Variants in FAAH2 observed in about 807,000 individuals in gnomAD.
The protein encoded by FAAH2 is fatty acid amide hydrolase 2.
A neutral mutation model predicts 36.9 loss-of-function variants in FAAH2; 60 were observed. The ratio of observed to expected loss-of-function variants is 1.63; its 90% CI spans 1.32 to 2.02. FAAH2 has a LOEUF of 2.02. Among genes scored for constraint, FAAH2 ranks in the 30% most tolerant of loss-of-function variants. FAAH2 has a pLI of 0.00. For missense variants in FAAH2, 689 were observed against 397.5 expected, an observed-to-expected ratio of 1.73 and a Z score of -6.23; for synonymous variants, 214 against 143.8, an observed-to-expected ratio of 1.49 and a Z score of -3.49.
the FAAH2 span, among the ~76,000 whole-genome samples, chrX:57,131,240 C>G: frequency 9.3e-6 from 1 of 107,528 alleles, no homozygotes; most frequent in Non-Finnish European, 1.9e-5. Context: ...CGCCCGCCAC[C>G]GCGCCCGGCT....
chrX:57,374,533 G>C (rs1158459078), intron 5 of FAAH2, among the ~76,000 whole-genome samples: 3 of 111,898 alleles, frequency 2.7e-5, no homozygotes, highest in African/African-American at 6.5e-5. Context: ...GTATAGCAGA[G>C]CTGCTGATTT....
Position 57,394,729 on chromosome X carries a change from G to T in FAAH2, c.996+13700G>T. 9 of 871,825 alleles carry T rather than the reference G, an allele frequency of 1.0e-5. No homozygotes were observed. In the Admixed American group the frequency reaches 1.8e-4, roughly 17 times the overall value. The allele number at this position is 871,825 out of a possible 1,213,427, so 71.8% of individuals were successfully genotyped here. Reference sequence around the variant, plus strand: ...ATTGATTCCACAGTTGATGACTATTGCTAGGTTTGATCCATTCCCCTTTAA... The same window carrying T: ...ATTGATTCCACAGTTGATGACTATTTCTAGGTTTGATCCATTCCCCTTTAA... On this transcript the variant is annotated intron_variant, in intron 7 of 10. Coordinates refer to ENST00000374900, the MANE Select transcript of FAAH2 (RefSeq NM_174912.4).
At chrX:57,137,362 G>A in the FAAH2 span, 9 of 755,669 alleles carry the variant, frequency 1.2e-5, no homozygotes, top group Admixed American at 8.2e-5. Flanking sequence ...CATAGATGAG[G>A]AGCGTGTGTA....
chrX:57,311,329 A>T (rs773248508), intron 3 of FAAH2, among the ~76,000 whole-genome samples: 1 of 112,586 alleles, frequency 8.9e-6, no homozygotes, highest in South Asian at 3.7e-4. Flanking sequence ...GAAAGATTTA[A>T]AATCAGTAAC....
intron 3 of FAAH2, among the ~76,000 whole-genome samples, chrX:57,330,109 A>G (rs1334158491): frequency 1.8e-5 from 2 of 111,912 alleles, no homozygotes; most frequent in East Asian, 5.7e-4. Context: ...AGAACAAGAT[A>G]ACAGCAACTG....
intron 7 of FAAH2, among the ~76,000 whole-genome samples, chrX:57,413,340 G>A (rs2055751661): frequency 8.9e-6 from 1 of 112,063 alleles, no homozygotes; most frequent in Non-Finnish European, 1.9e-5. Flanking sequence ...TTCTTCTAAG[G>A]TTTTTATGGT....
chrX:57,279,777 C>CA, the FAAH2 span, among the ~76,000 whole-genome samples: 2 of 111,694 alleles, frequency 1.8e-5, no homozygotes, highest in East Asian at 5.6e-4. Flanking sequence ...AACAGGCTTT[C>CA]AGTACAATTA....
chrX:57,123,847 GTTGT>G, the FAAH2 span, among the ~76,000 whole-genome samples: 29 of 111,988 alleles, frequency 2.6e-4, no homozygotes, highest in African/African-American at 3.2e-4. Flanking sequence ...TTTTGATGGG[GTTGT>G]TTGTTTTTTT....
the FAAH2 span, among the ~76,000 whole-genome samples, chrX:57,279,896 C>T: frequency 2.7e-5 from 3 of 111,592 alleles, no homozygotes; most frequent in African/African-American, 6.5e-5. Context: ...ACTGAATGGG[C>T]AAAAGCTGGA....
At chrX:57,340,980 T>C (rs2069799143) in intron 4 of FAAH2, among the ~76,000 whole-genome samples, 1 of 111,030 alleles carries the variant, frequency 9.0e-6, no homozygotes, top group Non-Finnish European at 1.9e-5. Context: ...AAATAAGAAC[T>C]CTTTTCTATA....
chrX:57,438,664 A>G (rs1334412894), intron 8 of FAAH2, among the ~76,000 whole-genome samples: 1 of 109,108 alleles, frequency 9.2e-6, no homozygotes, highest in Admixed American at 9.8e-5. Flanking sequence ...GGTTTGTTAC[A>G]TATGTATACA....
At chrX:57,149,467 CT>C in the FAAH2 span, among the ~76,000 whole-genome samples, 1 of 111,589 alleles carries the variant, frequency 9.0e-6, no homozygotes, top group African/African-American at 3.3e-5. Context: ...GATTCAACTT[CT>C]TCCTGGTTTA....
chrX:57,213,264 C>G, the FAAH2 span, among the ~76,000 whole-genome samples: 2 of 111,313 alleles, frequency 1.8e-5, no homozygotes, highest in Admixed American at 1.9e-4. Flanking sequence ...TTTGGTTTAT[C>G]ATTTCGAAGA....
chrX:57,432,515 T>C (rs2056325676), intron 8 of FAAH2, among the ~76,000 whole-genome samples: 1 of 111,691 alleles, frequency 9.0e-6, no homozygotes, highest in Admixed American at 9.5e-5. Flanking sequence ...GTTTTAAAAA[T>C]ACATGTACAG....
chrX:57,488,389 A>G (rs2057512814), intron 10 of FAAH2, among the ~76,000 whole-genome samples: 1 of 111,765 alleles, frequency 8.9e-6, no homozygotes, highest in African/African-American at 3.2e-5. Flanking sequence ...GATTTTTCTG[A>G]AAGTGCTATG....
chrX:57,227,923 G>A, the FAAH2 span, among the ~76,000 whole-genome samples: 1 of 111,209 alleles, frequency 9.0e-6, no homozygotes, highest in African/African-American at 3.3e-5. Flanking sequence ...CAGGGAAGTG[G>A]GGTAAAGCTG....
At chrX:57,217,633 G>C in the FAAH2 span, among the ~76,000 whole-genome samples, 1 of 111,673 alleles carries the variant, frequency 9.0e-6, no homozygotes, top group African/African-American at 3.3e-5. Flanking sequence ...CTGTTCCATT[G>C]GTCTATGTGC....
At chrX:57,469,127 A>C (rs968616641) in intron 10 of FAAH2, among the ~76,000 whole-genome samples, 1 of 112,128 alleles carries the variant, frequency 8.9e-6, no homozygotes, top group Non-Finnish European at 1.9e-5. Context: ...ACAACTGGTA[A>C]CAGCCACTGC....
At chrX:57,339,796 G>T (rs1299485384) in intron 4 of FAAH2, among the ~76,000 whole-genome samples, 1 of 112,065 alleles carries the variant, frequency 8.9e-6, no homozygotes, top group Non-Finnish European at 1.9e-5. Flanking sequence ...TTACACAGTT[G>T]TTGGGAATGT....
Sources: gnomAD v4.1 joint callset for allele counts (sites outside exome capture counted in the v4.1 genomes callset) on GRCh38, gnomAD v4.1.1 for gene constraint, MANE v1.5 for transcripts, NCBI Gene and HGNC (gene_info 2026-07-23, HGNC 2026-07-21) for gene names.